PCDH15: variants seen among roughly 807,000 people sequenced by gnomAD.
The protein encoded by PCDH15 is protocadherin-15.
A neutral mutation model predicts 178.5 loss-of-function variants in PCDH15; 129 were observed. The observed-to-expected ratio is 0.72, with a 90% CI of 0.63 to 0.84. The LOEUF (loss-of-function observed/expected upper bound fraction) is 0.84, where lower values mean the gene tolerates loss of function less well. PCDH15 is among the 40% of genes least tolerant of loss of function. The pLI is 0.00. For synonymous variants in PCDH15, 800 were observed against 732.0 expected, an observed-to-expected ratio of 1.09 and a Z score of -1.50; for missense variants, 2,230 against 2,099.9, an observed-to-expected ratio of 1.06 and a Z score of -1.21.
intron 8 of PCDH15, among the ~76,000 whole-genome samples, chr10:54,255,303 G>A (rs1424371631): frequency 1.3e-5 from 2 of 152,152 alleles, no homozygotes; most frequent in East Asian, 3.9e-4. Flanking sequence ...TGAAGCAGAT[G>A]CACATCACTT....
At chr10:54,597,791 G>A (rs1176289668) in intron 2 of PCDH15, among the ~76,000 whole-genome samples, 1 of 152,018 alleles carries the variant, frequency 6.6e-6, no homozygotes, top group East Asian at 1.9e-4. Flanking sequence ...AATCATAAAT[G>A]AGAAAGGGAA....
At chr10:54,375,834 GAATA>G (rs758866998) in intron 4 of PCDH15, among the ~76,000 whole-genome samples, 4 of 137,528 alleles carry the variant, frequency 2.9e-5, no homozygotes, top group African/African-American at 1.1e-4. Context: ...TTTTGAAATG[GAATA>G]TATATATATA....
chr10:53,821,597 G>T, intron 32 of PCDH15: 1 of 1,194,378 alleles, frequency 8.4e-7, no homozygotes, highest in Non-Finnish European at 1.0e-6. Context: ...CTAAAAAAGA[G>T]ATTAAAATTA....
At chr10:54,560,888 A>G (rs1196624265) in intron 2 of PCDH15, among the ~76,000 whole-genome samples, 1 of 152,086 alleles carries the variant, frequency 6.6e-6, no homozygotes, top group Non-Finnish European at 1.5e-5. Context: ...AAACCATTGG[A>G]TGGGTTGTGT....
intron 25 of PCDH15, among the ~76,000 whole-genome samples, chr10:53,930,504 A>C: frequency 6.7e-6 from 1 of 149,744 alleles, no homozygotes; most frequent in African/African-American, 2.5e-5. Flanking sequence ...CAACGCATTC[A>C]CATTTGTCTT....
chr10:55,070,139 T>C (rs1443814543), intron 2 of PCDH15, among the ~76,000 whole-genome samples: 1 of 151,396 alleles, frequency 6.6e-6, no homozygotes, highest in African/African-American at 2.4e-5. Context: ...GTTTTTTTCT[T>C]GTAAATTTGT....
At chr10:54,352,507 C>T (rs1565051308) in intron 5 of PCDH15, among the ~76,000 whole-genome samples, 1 of 152,044 alleles carries the variant, frequency 6.6e-6, no homozygotes, top group Admixed American at 6.6e-5. Flanking sequence ...TGGAGAATAT[C>T]TGAAGGATAC....
chr10:54,985,587 G>A (rs1388629539), intron 2 of PCDH15, among the ~76,000 whole-genome samples: 1 of 152,122 alleles, frequency 6.6e-6, no homozygotes, highest in Non-Finnish European at 1.5e-5. Context: ...TTACACCATA[G>A]AGTACTGATT....
intron 3 of PCDH15, among the ~76,000 whole-genome samples, chr10:54,468,716 G>T (rs2077694087): frequency 1.3e-5 from 2 of 152,132 alleles, no homozygotes. Context: ...TTTTTGTCAA[G>T]ATGATCTGTC....
intron 3 of PCDH15, among the ~76,000 whole-genome samples, chr10:54,519,292 T>C (rs1404022174): frequency 6.6e-6 from 1 of 152,186 alleles, no homozygotes; most frequent in Non-Finnish European, 1.5e-5. Context: ...GCAGATGACA[T>C]GATTGTATAT....
intron 8 of PCDH15, among the ~76,000 whole-genome samples, chr10:54,266,820 AGAT>A (rs1324563816): frequency 6.6e-6 from 1 of 151,918 alleles, no homozygotes; most frequent in Non-Finnish European, 1.5e-5. Context: ...GTCCGGGACT[AGAT>A]GAATTCATAG....
chr10:54,082,793 C>T (rs12573018), intron 16 of PCDH15, among the ~76,000 whole-genome samples: 87,002 of 150,808 alleles, frequency 0.58, 26,804 homozygotes, highest in Non-Finnish European at 0.69. Flanking sequence ...CATCAAGGGA[C>T]ATTATCGAGA....
intron 15 of PCDH15, among the ~76,000 whole-genome samples, chr10:54,096,063 C>T (rs1339300843): frequency 2.0e-5 from 3 of 152,078 alleles, no homozygotes; most frequent in African/African-American, 7.2e-5. Context: ...CTATTTTACA[C>T]ATAATAAAAT....
chr10:54,780,432 G>C (rs1007138380), intron 1 of PCDH15, among the ~76,000 whole-genome samples: 2 of 152,154 alleles, frequency 1.3e-5, no homozygotes, highest in African/African-American at 4.8e-5. Context: ...TGGGAGAACT[G>C]TTTGTTCTCA....
At chr10:53,986,089 T>C (rs1157624687) in intron 21 of PCDH15, among the ~76,000 whole-genome samples, 1 of 151,906 alleles carries the variant, frequency 6.6e-6, no homozygotes, top group Non-Finnish European at 1.5e-5. Flanking sequence ...GGAAAGCAGA[T>C]CCTTAGAACA....
chr10:54,705,041 G>A (rs925127494), intron 1 of PCDH15, among the ~76,000 whole-genome samples: 2 of 152,044 alleles, frequency 1.3e-5, no homozygotes, highest in Non-Finnish European at 2.9e-5. Flanking sequence ...ATTGATGAAT[G>A]TCATTGTTCT....
At chr10:54,087,096 C>G (rs539028305) in intron 16 of PCDH15, among the ~76,000 whole-genome samples, 109 of 152,276 alleles carry the variant, frequency 7.2e-4, no homozygotes, top group African/African-American at 2.3e-3. Context: ...ACCTGGGCTT[C>G]CTGCTTACCA....
chr10:54,512,353 C>A (rs2081764316), intron 3 of PCDH15, among the ~76,000 whole-genome samples: 1 of 104,510 alleles, frequency 9.6e-6, no homozygotes, highest in South Asian at 3.4e-4. Context: ...ATAGACATTT[C>A]TGGCATTGTG....
At chr10:54,368,522 T>G (rs567022060) in intron 5 of PCDH15, among the ~76,000 whole-genome samples, 1 of 152,046 alleles carries the variant, frequency 6.6e-6, no homozygotes, top group Admixed American at 6.6e-5. Flanking sequence ...TCTTCACTTA[T>G]GCACTTTAGC....
Sources: gnomAD v4.1 joint callset for allele counts (sites outside exome capture counted in the v4.1 genomes callset) on GRCh38, gnomAD v4.1.1 for gene constraint, MANE v1.5 for transcripts, NCBI Gene and HGNC (gene_info 2026-07-23, HGNC 2026-07-21) for gene names.